Variants in TNRC6C observed in about 807,000 individuals in gnomAD.
The protein encoded by TNRC6C is trinucleotide repeat-containing gene 6C protein.
In TNRC6C, 20 loss-of-function variants were observed where a neutral mutation model predicts 153.7. The ratio of observed to expected loss-of-function variants is 0.13; its 90% confidence interval spans 0.09 to 0.19. The LOEUF is 0.19. TNRC6C is among the 10% of genes least tolerant of loss of function. TNRC6C has a pLI of 1.00. For synonymous variants in TNRC6C, 811 were observed against 841.4 expected, an observed-to-expected ratio of 0.96 and a Z score of 0.63; for missense variants, 1,987 against 2,172.0, an observed-to-expected ratio of 0.91 and a Z score of 1.69.
intron 3 of TNRC6C, among the ~76,000 whole-genome samples, chr17:78,061,687 A>G (rs2072772298): frequency 6.6e-6 from 1 of 152,204 alleles, no homozygotes; most frequent in Non-Finnish European, 1.5e-5. Context: ...CCCCATCTCT[A>G]TTAAATAAAT....
chr17:78,001,560 T>A (rs1052161221), upstream of TNRC6C, among the ~76,000 whole-genome samples: 1 of 152,152 alleles, frequency 6.6e-6, no homozygotes, highest in South Asian at 2.1e-4. Context: ...AGATTGGACA[T>A]CTCAGTAGGG....
At chr17:78,041,770 G>A (rs1271560442) in intron 2 of TNRC6C, among the ~76,000 whole-genome samples, 1 of 152,218 alleles carries the variant, frequency 6.6e-6, no homozygotes, top group Non-Finnish European at 1.5e-5. Context: ...CGAAGGATTT[G>A]TGGTATCAGT....
chr17:78,093,197 G>A (rs1457632774), intron 15 of TNRC6C, 73 bp downstream of exon 17: 1 of 1,474,812 alleles, frequency 6.8e-7, no homozygotes, highest in Non-Finnish European at 9.2e-7. Context: ...GAGTGATTAG[G>A]CTGAGAGGAC....
intron 11 of TNRC6C, 79 bp from the exon 14 acceptor site, chr17:78,086,424 A>G (rs757697783): frequency 9.2e-5 from 120 of 1,301,856 alleles, no homozygotes; most frequent in Non-Finnish European, 1.2e-4. Flanking sequence ...TTATTTTTTA[A>G]CTAATGTCAG....
intron 3 of TNRC6C, among the ~76,000 whole-genome samples, chr17:78,064,381 G>A (rs1396636847): frequency 2.0e-5 from 3 of 152,136 alleles, no homozygotes; most frequent in Admixed American, 6.5e-5. Flanking sequence ...ATGAGCCACC[G>A]CATCTGACCA....
exon 3 of TNRC6C, chr17:78,050,544 T>A: frequency 6.2e-7 from 1 of 1,613,732 alleles, no homozygotes; most frequent in African/African-American, 1.3e-5. Context: ...GGAAGAACGA[T>A]GGGTCCATCA....
exon 5 of TNRC6C, chr17:78,067,813 A>G: frequency 6.2e-7 from 1 of 1,614,006 alleles, no homozygotes; most frequent in Non-Finnish European, 8.5e-7. Flanking sequence ...GAACCTCAGT[A>G]CCAGCCAGTG....
At chr17:78,006,543 CTT>C (rs1317936075) in intron 1 of TNRC6C, among the ~76,000 whole-genome samples, 34 of 128,536 alleles carry the variant, frequency 2.6e-4, no homozygotes, top group African/African-American at 9.5e-4. Context: ...TCTTCTTCTT[CTT>C]CTTCTTCTTC....
intron 2 of TNRC6C, among the ~76,000 whole-genome samples, chr17:78,042,551 C>T (rs542528579): frequency 4.7e-5 from 7 of 150,258 alleles, no homozygotes; most frequent in East Asian, 3.9e-4. Context: ...TCTTAAAATT[C>T]GGTCATTTCA....
intron 16 of TNRC6C, among the ~76,000 whole-genome samples, chr17:78,096,263 A>G (rs2073484321): frequency 1.3e-5 from 2 of 152,088 alleles, no homozygotes; most frequent in African/African-American, 4.8e-5. Context: ...GGCCTGCTGT[A>G]TGGTAGAGGG....
chr17:78,051,281 A>G (rs2144005984), exon 3 of TNRC6C: 1 of 1,552,660 alleles, frequency 6.4e-7, no homozygotes, highest in African/African-American at 1.4e-5. Flanking sequence ...TATAACAATA[A>G]AACTGTAAAC....
intron 1 of TNRC6C, among the ~76,000 whole-genome samples, chr17:77,961,643 G>A (rs764228261): frequency 4.9e-4 from 74 of 152,192 alleles, no homozygotes; most frequent in Non-Finnish European, 9.3e-4. Flanking sequence ...GGTGGGTTTC[G>A]AGTAGCATAT....
chr17:78,006,558 CT>C (rs2071513295), intron 1 of TNRC6C, among the ~76,000 whole-genome samples: 1 of 127,732 alleles, frequency 7.8e-6, no homozygotes, highest in Non-Finnish European at 1.6e-5. Context: ...TCTTCTTCTT[CT>C]TCCTTCTTCC....
intron 17 of TNRC6C, among the ~76,000 whole-genome samples, chr17:78,100,413 T>G (rs2073568340): frequency 6.6e-6 from 1 of 152,260 alleles, no homozygotes; most frequent in Non-Finnish European, 1.5e-5. Context: ...TCTTCACTTC[T>G]GTGCACCCAG....
Position 78,078,969 on chromosome 17 carries a change from G to A in TNRC6C, c.3211-426G>A, listed in dbSNP as rs567872661. Among the ~76,000 whole-genome samples the A allele has an allele frequency of 2.1e-3, 313 of 152,136 alleles. 4 individuals carry two copies. The highest frequency in any genetic ancestry group is 6.9e-3 in the African/African-American group (285 of 41,494). On this transcript the variant is annotated intron_variant, in intron 9 of 19. Transcript: ENST00000301624. The stretch of plus-strand genomic sequence containing the variant: ...TTAGCCGGGTATGGTGGCAGGCGAC[G>A]GTAATCCCAGCTCCTCGGGAGACTG...
intron 10 of TNRC6C, among the ~76,000 whole-genome samples, chr17:78,081,662 C>T (rs1424137295): frequency 1.3e-5 from 2 of 152,170 alleles, no homozygotes; most frequent in African/African-American, 2.4e-5. Context: ...AAAGGCAGCA[C>T]TACTGTGCCG....
At chr17:78,083,670 C>A (rs12051678) in intron 11 of TNRC6C, among the ~76,000 whole-genome samples, 17,086 of 152,222 alleles carry the variant, frequency 0.11, 1,103 homozygotes, top group East Asian at 0.19. Flanking sequence ...AAATACTATT[C>A]TAGAAGCACA....
chr17:77,959,524 G>A (rs2070843141), intron 1 of TNRC6C, among the ~76,000 whole-genome samples: 1 of 152,186 alleles, frequency 6.6e-6, no homozygotes, highest in Non-Finnish European at 1.5e-5. Flanking sequence ...GGAATGGAGG[G>A]CTGAAGATGG....
intron 1 of TNRC6C, among the ~76,000 whole-genome samples, chr17:78,011,677 C>A (rs2071634607): frequency 6.6e-6 from 1 of 152,198 alleles, no homozygotes; most frequent in African/African-American, 2.4e-5. Context: ...TATATACTTT[C>A]ATTTATCTTG....
Sources: gnomAD v4.1 joint callset for allele counts (sites outside exome capture counted in the v4.1 genomes callset) on GRCh38, gnomAD v4.1.1 for gene constraint, MANE v1.5 for transcripts, NCBI Gene and HGNC (gene_info 2026-07-23, HGNC 2026-07-21) for gene names.